CHODL: variants seen among roughly 807,000 people sequenced by gnomAD.
CHODL encodes the protein chondrolectin, also known as transmembrane protein MT75.
CHODL carries 29 observed loss-of-function variants against 34.5 expected under a neutral mutation model. The observed-to-expected ratio is 0.84, with a 90% CI of 0.63 to 1.15. CHODL has a LOEUF of 1.15. CHODL is among the 50% of genes most tolerant of loss of function. The pLI, the probability that CHODL is intolerant of heterozygous loss-of-function variation, is 0.00. For missense variants in CHODL, 332 were observed against 332.5 expected, an observed-to-expected ratio of 1.00 and a Z score of 0.01; for synonymous variants, 125 against 116.1, an observed-to-expected ratio of 1.08 and a Z score of -0.49.
chr21:18,027,555 G>A (rs1427920901), intron 1 of CHODL, among the ~76,000 whole-genome samples: 6 of 152,114 alleles, frequency 3.9e-5, no homozygotes, highest in African/African-American at 1.4e-4. Flanking sequence ...ACCTTGAAAT[G>A]AGTGCTAGGA....
intron 2 of CHODL, among the ~76,000 whole-genome samples, chr21:18,070,262 A>G (rs981520785): frequency 6.6e-6 from 1 of 151,778 alleles, no homozygotes; most frequent in African/African-American, 2.4e-5. Flanking sequence ...TCCTTGTGTT[A>G]ATTTTAAGTA....
intron 1 of CHODL, among the ~76,000 whole-genome samples, chr21:18,019,635 A>C (rs1182210537): frequency 6.6e-6 from 1 of 152,204 alleles, no homozygotes; most frequent in Non-Finnish European, 1.5e-5. Context: ...AAAAACTTTA[A>C]AATTTCCTTT....
intron 2 of CHODL, among the ~76,000 whole-genome samples, chr21:18,187,269 C>T (rs979748554): frequency 2.0e-5 from 3 of 152,126 alleles, no homozygotes; most frequent in African/African-American, 7.2e-5. Context: ...CATTGAACTA[C>T]CATCCTAAAC....
At chr21:17,930,581 C>G (rs1452458563) in intron 1 of CHODL, among the ~76,000 whole-genome samples, 1 of 152,214 alleles carries the variant, frequency 6.6e-6, no homozygotes, top group Non-Finnish European at 1.5e-5. Flanking sequence ...CAGCCAATAC[C>G]TGAACTGTGG....
chr21:18,178,677 C>A (rs1309160894), intron 2 of CHODL, among the ~76,000 whole-genome samples: 2 of 152,154 alleles, frequency 1.3e-5, no homozygotes. Context: ...GGAAGTGAGT[C>A]ATCCTACAGG....
At chr21:18,030,469 A>G (rs1253079327) in intron 2 of CHODL, among the ~76,000 whole-genome samples, 4 of 152,168 alleles carry the variant, frequency 2.6e-5, no homozygotes. Context: ...TTACCCACAG[A>G]AACTGATGTC....
intron 2 of CHODL, among the ~76,000 whole-genome samples, chr21:18,045,529 A>G (rs1157532352): frequency 1.3e-5 from 2 of 151,802 alleles, no homozygotes; most frequent in African/African-American, 4.8e-5. Context: ...GAGGCAAGGA[A>G]GAATTTTGCC....
intron 1 of CHODL, among the ~76,000 whole-genome samples, chr21:17,941,844 T>C (rs1837593528): frequency 6.6e-6 from 1 of 152,170 alleles, no homozygotes; most frequent in Non-Finnish European, 1.5e-5. Context: ...ATTTGTTGTA[T>C]GGTGAGGGCC....
chr21:17,950,087 T>A (rs1462713945), intron 1 of CHODL, among the ~76,000 whole-genome samples: 2 of 152,190 alleles, frequency 1.3e-5, no homozygotes, highest in Non-Finnish European at 2.9e-5. Context: ...CTTCACTTCA[T>A]TCTGTCTTTG....
intron 1 of CHODL, among the ~76,000 whole-genome samples, chr21:17,981,524 C>A: frequency 6.6e-6 from 1 of 152,088 alleles, no homozygotes; most frequent in East Asian, 1.9e-4. Flanking sequence ...TTAAGTCTTG[C>A]AAATGTCAGT....
chr21:18,194,196 ATC>A (rs1054394386), intron 2 of CHODL, among the ~76,000 whole-genome samples: 1 of 152,092 alleles, frequency 6.6e-6, no homozygotes, highest in Non-Finnish European at 1.5e-5. Flanking sequence ...AATTATCAAA[ATC>A]TCAAATCATC....
intron 2 of CHODL, among the ~76,000 whole-genome samples, chr21:18,092,145 T>C (rs967906312): frequency 6.6e-6 from 1 of 151,972 alleles, no homozygotes; most frequent in Non-Finnish European, 1.5e-5. Flanking sequence ...CACCCCCAGT[T>C]CCAAGTGGCT....
chr21:18,199,476 A>G (rs2073627502), intron 2 of CHODL, among the ~76,000 whole-genome samples: 1 of 152,090 alleles, frequency 6.6e-6, no homozygotes, highest in South Asian at 2.1e-4. Flanking sequence ...ATACTGATAC[A>G]TTACTATGAA....
intron 1 of CHODL, among the ~76,000 whole-genome samples, chr21:17,929,596 T>C (rs1276943585): frequency 6.6e-6 from 1 of 152,162 alleles, no homozygotes; most frequent in African/African-American, 2.4e-5. Context: ...CTCCCTGACA[T>C]GGGGAAGGGC....
At chr21:18,213,344 A>G (rs767721432) in intron 2 of CHODL, among the ~76,000 whole-genome samples, 6 of 152,136 alleles carry the variant, frequency 3.9e-5, no homozygotes, top group Non-Finnish European at 5.9e-5. Context: ...TTCCTGACCT[A>G]GAATCCAAAC....
intron 1 of CHODL, among the ~76,000 whole-genome samples, chr21:18,015,685 A>G (rs1446924639): frequency 6.6e-6 from 1 of 152,176 alleles, no homozygotes; most frequent in African/African-American, 2.4e-5. Flanking sequence ...AAATGATGAT[A>G]GTGATATGGA....
chr21:18,059,656 C>A lies in CHODL; in HGVS notation c.-45+31685C>A, dbSNP rs372289325. On this transcript the variant is annotated intron_variant, in intron 2 of 6. Transcript: ENST00000400127. ...TCCTGATGCTCTCCCTCCCCAGCAC[C>A]CCCAATAGGGCCCAGTGTGAGTTGT... Among the ~76,000 whole-genome samples, 218 of 152,212 alleles carry A rather than the reference C, an allele frequency of 1.4e-3. 2 individuals carry two copies. Among genetic ancestry groups the A allele is most frequent in the African/African-American group, 5.0e-3 (206 of 41,524 alleles).
At chr21:18,253,387 TG>T (rs1297603806) in intron 1 of CHODL, among the ~76,000 whole-genome samples, 1 of 152,078 alleles carries the variant, frequency 6.6e-6, no homozygotes, top group East Asian at 1.9e-4. Flanking sequence ...ATTTCAAAAG[TG>T]CTGGGATAAA....
intron 1 of CHODL, among the ~76,000 whole-genome samples, chr21:18,012,340 C>A (rs1210015676): frequency 6.6e-6 from 1 of 152,176 alleles, no homozygotes; most frequent in African/African-American, 2.4e-5. Context: ...TATGTCAGGC[C>A]TTTCTTTTGT....
Sources: allele counts gnomAD v4.1 joint callset (sites outside exome capture counted in the v4.1 genomes callset), GRCh38; gene constraint gnomAD v4.1.1; transcripts MANE v1.5; gene names NCBI Gene and HGNC (gene_info 2026-07-23, HGNC 2026-07-21).